KCNG3: variants seen among roughly 807,000 people sequenced by gnomAD.
The protein encoded by KCNG3 is potassium voltage-gated channel modifier subfamily G member 3, also known as voltage-gated potassium channel regulatory subunit KCNG3.
KCNG3 carries 15 observed loss-of-function variants against 29.0 expected under a neutral mutation model. That is an observed-to-expected ratio of 0.52 (90% CI 0.35 to 0.80). The LOEUF (loss-of-function observed/expected upper bound fraction) is 0.80, where lower values mean the gene tolerates loss of function less well. Ranked by LOEUF, KCNG3 falls within the 30% of genes least tolerant of loss-of-function variation. The probability of loss-of-function intolerance (pLI) is 0.01; values close to 1 mark genes in which losing one functional copy is unlikely to be tolerated. For synonymous variants in KCNG3, 322 were observed against 248.9 expected, an observed-to-expected ratio of 1.29 and a Z score of -2.76; for missense variants, 512 against 605.7, an observed-to-expected ratio of 0.85 and a Z score of 1.62.
the KCNG3 span, among the ~76,000 whole-genome samples, chr2:42,390,374 G>T: frequency 6.6e-6 from 1 of 152,188 alleles, no homozygotes; most frequent in African/African-American, 2.4e-5. Context: ...CCCAGGGAAT[G>T]ATCTATTCTG....
chr2:42,476,863 A>T (rs1673439533), intron 1 of KCNG3, among the ~76,000 whole-genome samples: 1 of 151,394 alleles, frequency 6.6e-6, no homozygotes, highest in African/African-American at 2.4e-5. Flanking sequence ...GCCCATGATT[A>T]GAGTCATTCA....
chr2:42,493,259 G>A lies in KCNG3; in HGVS notation c.243C>T (p.Gly81=). The change falls in exon 1 of 2, where the codon GGC becomes GGT. Residue 81 remains glycine (G), a synonymous_variant. Transcript: ENST00000306078. ...GFILLYVRGH[G]KLRFAPRMCE... ...ACATCCGCGGCGCGAAGCGCAGCTT[G>A]CCGTGGCCGCGCACGTAGAGCAGGA... The A allele has an allele frequency of 2.5e-6, 4 of 1,612,154 alleles. No homozygotes were observed. The highest frequency in any genetic ancestry group is 3.4e-6 in the Non-Finnish European group (4 of 1,179,814).
At chr2:42,404,089 G>A in the KCNG3 span, among the ~76,000 whole-genome samples, 1,591 of 152,234 alleles carry the variant, frequency 0.01, 28 homozygotes, top group African/African-American at 0.035. Context: ...CCATAAAACG[G>A]TCCAGGCCTA....
At chr2:42,470,740 G>A (rs1436923483) in intron 1 of KCNG3, among the ~76,000 whole-genome samples, 2 of 151,874 alleles carry the variant, frequency 1.3e-5, no homozygotes, top group Non-Finnish European at 2.9e-5. Context: ...GCCAGACGTG[G>A]TGGCATATGT....
chr2:42,400,786 T>A, the KCNG3 span, among the ~76,000 whole-genome samples: 1 of 150,940 alleles, frequency 6.6e-6, no homozygotes, highest in Non-Finnish European at 1.5e-5. Context: ...AAAAATGGGT[T>A]TTTTTTTTCC....
intron 1 of KCNG3, among the ~76,000 whole-genome samples, chr2:42,470,869 G>C (rs1673267430): frequency 6.6e-6 from 1 of 151,320 alleles, no homozygotes. Context: ...AAAAAAAGAA[G>C]TGGGGGGCCA....
In KCNG3 at chr2:42,444,470, A is replaced by T; in HGVS notation, c.775T>A (p.Leu259Ile). Residue 259 changes from leucine (L) to isoleucine (I), a missense_variant, in exon 2 of 2, where the codon TTA becomes ATA. Around this residue, in one of 5 missense-constraint regions of KCNG3, gnomAD observed 173 missense variants for 262.4 expected, o/e 0.66. Transcript: ENST00000306078. The surrounding 1 kb of genome is among the most constrained non-coding windows in gnomAD (Gnocchi z 5.8). ...ATGTAATACGGCGTGATTGCCAGTA[A>T]ATCAATGATGTTCAGGGGTCTCTTG... ...FVKRPLNIID[L>I]LAITPYYISV... 1.2e-6 allele frequency: 2 copies of T among 1,614,168 alleles called. No homozygotes were observed. The highest frequency in any genetic ancestry group is 2.2e-5 in the East Asian group (1 of 44,876).
rs768215543 is a variant in KCNG3, at chr2:42,477,427, ATT to A, written c.665+15408_665+15409del. On this transcript the variant is annotated intron_variant, in intron 1 of 1. Coordinates refer to ENST00000306078, the MANE Select transcript of KCNG3 (RefSeq NM_133329.6). ...CACACACACACACACACACACATAT[ATT>A]TTTTTTTTTTTTTTTTGAGACGGAG... is the stretch of plus-strand genomic sequence containing the variant. Among the ~76,000 whole-genome samples, 95 of 108,974 alleles carry A rather than the reference ATT, an allele frequency of 8.7e-4. 1 individual carries two copies. The highest frequency in any genetic ancestry group is 1.5e-3 in the African/African-American group (38 of 24,882). The allele number at this position is 108,974 out of a possible 152,430, so 71.5% of individuals were successfully genotyped here.
the KCNG3 span, among the ~76,000 whole-genome samples, chr2:42,406,199 T>C: frequency 3.8e-3 from 586 of 152,228 alleles, 7 homozygotes; most frequent in Non-Finnish European, 3.0e-3. Context: ...TTTGGTACCT[T>C]TCCCTGTCCT....
At chr2:42,400,132 TGG>T in the KCNG3 span, among the ~76,000 whole-genome samples, 1 of 152,000 alleles carries the variant, frequency 6.6e-6, no homozygotes. Context: ...ATGGGCAGTG[TGG>T]GAGAGGGCTG....
In KCNG3 at chr2:42,470,856, C is replaced by CA. The variant is rs1001715667; in HGVS notation, c.665+21980dup. Among the ~76,000 whole-genome samples the CA allele has an allele frequency of 1.2e-4, 17 of 144,876 alleles. No homozygotes were observed. The East Asian group carries it at 1.2e-3, about 11-fold the overall frequency. On this transcript the variant is annotated intron_variant, in intron 1 of 1. Coordinates refer to ENST00000306078, the MANE Select transcript of KCNG3 (RefSeq NM_133329.6). Reference sequence around the variant, plus strand: ...TGGACAACAGAGCAAGACCTTGTCTCAAAAAAAAAGAAGTGGGGGGCCAGG... The same window carrying CA: ...TGGACAACAGAGCAAGACCTTGTCTCAAAAAAAAAAGAAGTGGGGGGCCAGG...
At chr2:42,414,279 C>T in the KCNG3 span, among the ~76,000 whole-genome samples, 1 of 152,128 alleles carries the variant, frequency 6.6e-6, no homozygotes, top group South Asian at 2.1e-4. Flanking sequence ...TCTTTTGGTC[C>T]TTGTGTGTGT....
chr2:42,405,300 T>C, the KCNG3 span, among the ~76,000 whole-genome samples: 1 of 152,224 alleles, frequency 6.6e-6, no homozygotes, highest in Non-Finnish European at 1.5e-5. Context: ...CAGATGTCTA[T>C]TTTGTCTTTT....
At chr2:42,490,346 CG>C (rs1673841748) in intron 1 of KCNG3, among the ~76,000 whole-genome samples, 1 of 152,064 alleles carries the variant, frequency 6.6e-6, no homozygotes, top group Admixed American at 6.6e-5. Context: ...AAGGCCGACA[CG>C]GGTGGATCAC....
intron 1 of KCNG3, among the ~76,000 whole-genome samples, chr2:42,462,394 A>C (rs1673041265): frequency 6.6e-6 from 1 of 152,234 alleles, no homozygotes; most frequent in Non-Finnish European, 1.5e-5. Flanking sequence ...CAGGTCATGA[A>C]GATCTGTCTA....
intron 1 of KCNG3, among the ~76,000 whole-genome samples, chr2:42,484,248 G>C (rs1331556667): frequency 2.0e-5 from 3 of 152,104 alleles, no homozygotes; most frequent in Non-Finnish European, 4.4e-5. Flanking sequence ...GATCACCTGA[G>C]GTCAGGAGTT....
At chr2:42,391,429 C>G in the KCNG3 span, among the ~76,000 whole-genome samples, 1 of 152,102 alleles carries the variant, frequency 6.6e-6, no homozygotes, top group Admixed American at 6.5e-5. Context: ...TTAAGATTGG[C>G]TTATTTACAG....
Position 42,493,378 on chromosome 2 carries a change from G to A in KCNG3, c.124C>T (p.Arg42Cys), listed in dbSNP as rs753919719. 1 of 1,551,864 alleles carries A rather than the reference G, an allele frequency of 6.4e-7. No individual in the cohort carries two copies. Among genetic ancestry groups the A allele is most frequent in the East Asian group, 2.3e-5 (1 of 42,860 alleles). ...LRRVSRLHGC[R>C]SERDVLEVCD... ...ACCTCGAGCACGTCGCGCTCGGAGCGGCAGCCGTGCAGCCGGCTCACGCGG... is the reference window on the plus strand; with the variant it reads ...ACCTCGAGCACGTCGCGCTCGGAGCAGCAGCCGTGCAGCCGGCTCACGCGG... The change falls in exon 1 of 2, where the codon CGC becomes TGC. Residue 42 changes from arginine to cysteine, a missense_variant. By Grantham distance (180) the Arg-to-Cys change is radical (BLOSUM62 -3). Coordinates refer to ENST00000306078, the MANE Select transcript of KCNG3 (RefSeq NM_133329.6).
chr2:42,392,237 G>A, the KCNG3 span, among the ~76,000 whole-genome samples: 65 of 152,158 alleles, frequency 4.3e-4, no homozygotes, highest in Non-Finnish European at 4.9e-4. Flanking sequence ...TTTGTCTCCC[G>A]TCTGCTCTTA....
Sources: gnomAD v4.1 joint callset for allele counts (sites outside exome capture counted in the v4.1 genomes callset) on GRCh38, gnomAD v4.1.1 for gene constraint, gnomAD v4.1.1 regional missense constraint, Gnocchi (gnomAD v3.1) non-coding constraint, MANE v1.5 for transcripts, NCBI Gene and HGNC (gene_info 2026-07-23, HGNC 2026-07-21) for gene names.